CACNA1B: variants seen among roughly 807,000 people sequenced by gnomAD.
The protein encoded by CACNA1B is voltage-dependent N-type calcium channel subunit alpha-1B.
CACNA1B carries 70 observed loss-of-function variants against 247.2 expected under a neutral mutation model. The observed-to-expected ratio is 0.28, with a 90% CI of 0.23 to 0.35. CACNA1B has a LOEUF of 0.35. Ranked by LOEUF, CACNA1B falls within the 10% of genes least tolerant of loss-of-function variation. CACNA1B has a pLI of 1.00. For synonymous variants in CACNA1B, 1,231 were observed against 1,294.4 expected, an observed-to-expected ratio of 0.95 and a Z score of 1.05; for missense variants, 2,367 against 3,197.4, an observed-to-expected ratio of 0.74 and a Z score of 6.26.
Position 137,955,626 on chromosome 9 carries a change from T to G in CACNA1B, c.1071-72T>G. ...CTGTCCCAGGCTTTCCCTGGTCCTTTTTGTCTCTGGGGCTGCACACCTGTG... is the reference window on the plus strand; with the variant it reads ...CTGTCCCAGGCTTTCCCTGGTCCTTGTTGTCTCTGGGGCTGCACACCTGTG... On this transcript the variant is annotated intron_variant, in intron 7 of 46. Coordinates refer to ENST00000371372, the MANE Select transcript of CACNA1B (RefSeq NM_000718.4). This position sits in a 1 kb window ranked among gnomAD's most constrained non-coding sequence, Gnocchi z 6.9. 3.9e-6 allele frequency: 4 copies of G among 1,020,118 alleles called. No homozygotes were observed. The highest frequency in any genetic ancestry group is 2.9e-6 in the Non-Finnish European group (2 of 678,836). 63.2% of individuals were successfully genotyped at this position (1,020,118 alleles called of 1,614,324 possible).
chr9:137,985,326 C>T lies in CACNA1B; in HGVS notation c.1769+1076C>T, dbSNP rs551504725. ...CTCACTGGCGCTCTGTGCTGTGTGT[C>T]CTCAGACTTCTGTTGCCTTCCCAGA... is the stretch of plus-strand genomic sequence containing the variant. On this transcript the variant is annotated intron_variant, in intron 13 of 46. Transcript: ENST00000371372. Among the ~76,000 whole-genome samples the T allele has an allele frequency of 3.3e-5, 5 of 152,328 alleles. No individual in the cohort carries two copies. In the South Asian group the frequency reaches 1.0e-3, roughly 32 times the overall value.
In CACNA1B at chr9:137,971,465, G is replaced by T. The variant is rs201016696; in HGVS notation, c.1416G>T (p.Arg472=). ...TCCGGAGGAAGGAGAAGATGTTCCG[G>T]TTTTTTATCCGGCGCATGGTGAAGG... ...SYFRRKEKMF[R]FFIRRMVKAQ... The change falls in exon 11 of 47, where the codon CGG becomes CGT. Residue 472 remains arginine, a synonymous_variant. Coordinates refer to ENST00000371372, the MANE Select transcript of CACNA1B (RefSeq NM_000718.4). The surrounding 1 kb of genome is among the most constrained non-coding windows in gnomAD (Gnocchi z 4.4). 6 of 1,613,674 alleles carry T rather than the reference G, an allele frequency of 3.7e-6. No individual in the cohort carries two copies. Among genetic ancestry groups the T allele is most frequent in the African/African-American group, 1.3e-5 (1 of 75,046 alleles).
At chr9:138,069,813 T>C (rs1248179501) in intron 32 of CACNA1B, 50 bp downstream of exon 32, 2 of 1,561,606 alleles carry the variant, frequency 1.3e-6, no homozygotes, top group East Asian at 2.2e-5. Context: ...CTTTGCTCGC[T>C]CTGCTCCTCT....
chr9:138,080,950 T>G (rs1960505206), intron 36 of CACNA1B, among the ~76,000 whole-genome samples: 1 of 152,220 alleles, frequency 6.6e-6, no homozygotes, highest in Admixed American at 6.5e-5. Flanking sequence ...TTTCACTACT[T>G]GCTAGAAACC....
intron 32 of CACNA1B, among the ~76,000 whole-genome samples, chr9:138,071,170 G>A (rs1202972933): frequency 6.6e-6 from 1 of 152,256 alleles, no homozygotes; most frequent in East Asian, 1.9e-4. Flanking sequence ...GTGTTTCTTT[G>A]TGGATGAGAA....
At chr9:138,002,211 A>G (rs1958585427) in intron 15 of CACNA1B, among the ~76,000 whole-genome samples, 1 of 152,244 alleles carries the variant, frequency 6.6e-6, no homozygotes, top group South Asian at 2.1e-4. Context: ...AACATTCCAA[A>G]CATATATAGA....
intron 15 of CACNA1B, among the ~76,000 whole-genome samples, chr9:137,994,927 A>G (rs1424154095): frequency 6.6e-6 from 1 of 152,236 alleles, no homozygotes; most frequent in African/African-American, 2.4e-5. Context: ...AAAAAAGGCC[A>G]GGTGCAGTGG....
intron 15 of CACNA1B, among the ~76,000 whole-genome samples, chr9:137,999,635 A>G (rs1958541468): frequency 6.6e-6 from 1 of 152,098 alleles, no homozygotes; most frequent in African/African-American, 2.4e-5. Context: ...TCAGTCTCCC[A>G]AGTAGCTGGG....
At chr9:138,120,969 G>A (rs1962071782) in intron 46 of CACNA1B, 88 bp downstream of exon 46, 1 of 1,421,642 alleles carries the variant, frequency 7.0e-7, no homozygotes. Flanking sequence ...TCTCCCCAGG[G>A]CCTCGCTGCT....
At chr9:137,998,764 A>T (rs1958529477) in intron 15 of CACNA1B, among the ~76,000 whole-genome samples, 1 of 152,230 alleles carries the variant, frequency 6.6e-6, no homozygotes, top group Non-Finnish European at 1.5e-5. Context: ...CAGAACATTG[A>T]CCAAAAACAG....
intron 39 of CACNA1B, 143 bp downstream of exon 39, chr9:138,105,950 AC>A: frequency 1.7e-6 from 1 of 596,350 alleles, no homozygotes; most frequent in South Asian, 2.0e-5. Context: ...TGCACAGGAT[AC>A]CCACCCTGGG....
rs563456715 is a variant in CACNA1B, at chr9:137,914,102, T to C, written c.623-552T>C. Among the ~76,000 whole-genome samples the C allele has an allele frequency of 6.6e-6, 1 of 152,256 alleles. No homozygotes were observed. Among genetic ancestry groups the C allele is most frequent in the South Asian group, 2.1e-4 (1 of 4,826 alleles). On this transcript the variant is annotated intron_variant, in intron 4 of 46. Coordinates refer to ENST00000371372, the MANE Select transcript of CACNA1B (RefSeq NM_000718.4). The surrounding 1 kb of genome is among the most constrained non-coding windows in gnomAD (Gnocchi z 4.3). ...CCCAAGGAGTTGGGTCTGTTAGGAA[T>C]ACCTGTACTTCTCCCCCAGGATCCC...
chr9:138,006,136 T>C (rs1958646414), intron 15 of CACNA1B, among the ~76,000 whole-genome samples: 1 of 151,648 alleles, frequency 6.6e-6, no homozygotes, highest in African/African-American at 2.4e-5. Context: ...AGATCCCTGG[T>C]TGGAGTTGGT....
intron 15 of CACNA1B, among the ~76,000 whole-genome samples, chr9:138,005,036 A>T (rs1345004420): frequency 2.6e-5 from 4 of 152,200 alleles, no homozygotes; most frequent in Non-Finnish European, 5.9e-5. Context: ...GTTGATGGGA[A>T]TGTAAATTAG....
At chr9:138,056,363 C>T (rs1959498281) in intron 26 of CACNA1B, among the ~76,000 whole-genome samples, 1 of 152,292 alleles carries the variant, frequency 6.6e-6, no homozygotes, top group South Asian at 2.1e-4. Context: ...TAGCTTCTTT[C>T]GTGTGATGTT....
At chr9:137,927,390 T>G (rs935317561) in intron 6 of CACNA1B, among the ~76,000 whole-genome samples, 2 of 152,108 alleles carry the variant, frequency 1.3e-5, no homozygotes, top group African/African-American at 4.8e-5. Context: ...GCCTGTCTAA[T>G]TTTTGTATTT....
In CACNA1B at chr9:137,955,048, G is replaced by C. The variant is rs769172924; in HGVS notation, c.1071-650G>C. Among the ~76,000 whole-genome samples, 3 of 152,030 alleles carry C rather than the reference G, an allele frequency of 2.0e-5. No homozygotes were observed. The highest frequency in any genetic ancestry group is 7.3e-5 in the African/African-American group (3 of 41,362). Reference sequence around the variant, plus strand: ...CCATGACGGCTGTGAAGGCTCAGGCGGGGCTGGGGTGAGATGTCGGGGGCC... The same window carrying C: ...CCATGACGGCTGTGAAGGCTCAGGCCGGGCTGGGGTGAGATGTCGGGGGCC... On this transcript the variant is annotated intron_variant, in intron 7 of 46. Transcript: ENST00000371372. The surrounding 1 kb of genome is among the most constrained non-coding windows in gnomAD (Gnocchi z 6.9).
chr9:138,011,636 C>T lies in CACNA1B; in HGVS notation c.2161-1493C>T, dbSNP rs190940680. ...CACTCCCTGGAGTGACTGGCAAAGT[C>T]CCTGCCCCAGAGGGTGGGAAGCTGG... On this transcript the variant is annotated intron_variant, in intron 17 of 46. Transcript: ENST00000371372. The surrounding 1 kb of genome is among the most constrained non-coding windows in gnomAD (Gnocchi z 4.2). Among the ~76,000 whole-genome samples, 21 of 152,274 alleles carry T rather than the reference C, an allele frequency of 1.4e-4. No homozygotes were observed. The highest frequency in any genetic ancestry group is 5.2e-4 in the Admixed American group (8 of 15,288).
At chr9:138,043,199 C>T (rs776983914) in intron 20 of CACNA1B, among the ~76,000 whole-genome samples, 6 of 152,080 alleles carry the variant, frequency 3.9e-5, no homozygotes, top group Non-Finnish European at 8.8e-5. Flanking sequence ...GGGAAGGAGG[C>T]GACGAGTCGG....
Sources: gnomAD v4.1 joint callset for allele counts (sites outside exome capture counted in the v4.1 genomes callset) on GRCh38, gnomAD v4.1.1 for gene constraint, Gnocchi (gnomAD v3.1) non-coding constraint, MANE v1.5 for transcripts, NCBI Gene and HGNC (gene_info 2026-07-23, HGNC 2026-07-21) for gene names.